Variants in PDCD1LG2 observed in about 807,000 individuals in gnomAD.
The protein encoded by PDCD1LG2 is B7 dendritic cell molecule.
PDCD1LG2 carries 32 observed loss-of-function variants against 28.2 expected under a neutral mutation model. The observed-to-expected ratio is 1.13, with a 90% confidence interval of 0.86 to 1.52. The LOEUF (loss-of-function observed/expected upper bound fraction) is 1.52. PDCD1LG2 is among the 40% of genes most tolerant of loss of function. PDCD1LG2 has a pLI of 0.00. For synonymous variants in PDCD1LG2, 116 were observed against 120.2 expected (o/e 0.97, Z 0.23); for missense variants, 385 against 323.8 (o/e 1.19, Z -1.45).
chr9:5,540,427 G>C (rs1218021899), intron 3 of PDCD1LG2, among the ~76,000 whole-genome samples: 1 of 151,828 alleles, frequency 6.6e-6, no homozygotes, highest in Admixed American at 6.6e-5. Flanking sequence ...AAATACAAAA[G>C]AGAAATGAAA....
At chr9:5,564,256 T>C (rs1255467576) in intron 6 of PDCD1LG2, among the ~76,000 whole-genome samples, 3 of 152,230 alleles carry the variant, frequency 2.0e-5, no homozygotes, top group Non-Finnish European at 4.4e-5. Context: ...CTACCAGTTT[T>C]GGGTTTTTGT....
chr9:5,568,462 G>A (rs1419193550), intron 6 of PDCD1LG2, among the ~76,000 whole-genome samples: 1 of 152,160 alleles, frequency 6.6e-6, no homozygotes, highest in African/African-American at 2.4e-5. Flanking sequence ...ACGATCTGAG[G>A]TGGAACAGGT....
chr9:5,521,688 A>G (rs1281613789), intron 1 of PDCD1LG2, among the ~76,000 whole-genome samples: 1 of 152,112 alleles, frequency 6.6e-6, no homozygotes, highest in Non-Finnish European at 1.5e-5. Context: ...CAAACCCTCC[A>G]CTGCTTTTCA....
At chr9:5,529,389 C>A (rs1487340950) in intron 2 of PDCD1LG2, among the ~76,000 whole-genome samples, 3 of 152,012 alleles carry the variant, frequency 2.0e-5, no homozygotes, top group Non-Finnish European at 4.4e-5. Context: ...TTGTTCCAGC[C>A]CCATTTGTTA....
chr9:5,551,233 A>G (rs1338762338), intron 4 of PDCD1LG2, among the ~76,000 whole-genome samples: 2 of 152,162 alleles, frequency 1.3e-5, no homozygotes, highest in Non-Finnish European at 2.9e-5. Flanking sequence ...CTCTCAGACT[A>G]AAGGACAGTC....
chr9:5,529,313 T>G (rs183367164), intron 2 of PDCD1LG2, among the ~76,000 whole-genome samples: 1 of 152,292 alleles, frequency 6.6e-6, no homozygotes, highest in East Asian at 1.9e-4. Flanking sequence ...TATAATCCAT[T>G]TTAATTTTTA....
intron 1 of PDCD1LG2, among the ~76,000 whole-genome samples, chr9:5,516,943 C>T (rs1820177765): frequency 6.6e-6 from 1 of 152,164 alleles, no homozygotes; most frequent in South Asian, 2.1e-4. Context: ...TACAGGGGTG[C>T]CTGGGAGCAT....
chr9:5,554,310 C>G (rs1816394208), intron 4 of PDCD1LG2, among the ~76,000 whole-genome samples: 1 of 152,216 alleles, frequency 6.6e-6, no homozygotes, highest in Admixed American at 6.5e-5. Context: ...ACTGTGTGGA[C>G]AGCCAGGTCA....
chr9:5,566,653 A>T (rs752417962), intron 6 of PDCD1LG2, among the ~76,000 whole-genome samples: 1 of 152,188 alleles, frequency 6.6e-6, no homozygotes, highest in African/African-American at 2.4e-5. Context: ...ATGAACAAGA[A>T]TAAGCTTTTG....
intron 4 of PDCD1LG2, among the ~76,000 whole-genome samples, chr9:5,557,310 G>T (rs942824188): frequency 6.6e-6 from 1 of 152,138 alleles, no homozygotes; most frequent in Non-Finnish European, 1.5e-5. Flanking sequence ...GTGGTAAAAA[G>T]CACAGAATCT....
chr9:5,557,310 G>C (rs942824188), intron 4 of PDCD1LG2, among the ~76,000 whole-genome samples: 2 of 152,138 alleles, frequency 1.3e-5, no homozygotes, highest in Non-Finnish European at 2.9e-5. Context: ...GTGGTAAAAA[G>C]CACAGAATCT....
Position 5,571,111 on chromosome 9 carries a change from C to A in PDCD1LG2, c.*1152C>A, listed in dbSNP as rs1816760009. 1 of 232,582 alleles carries A rather than the reference C, an allele frequency of 4.3e-6. No individual in the cohort carries two copies. Among genetic ancestry groups the A allele is most frequent in the African/African-American group, 2.2e-5 (1 of 45,314 alleles). The allele number at this position is 232,582 out of a possible 1,614,324, so 14.4% of individuals were successfully genotyped here. ...CTTACATAGGTGGGCCTAAAGCAAG[C>A]TCCTTAACTGAGCAAAATTTGGGGC... On this transcript the variant is annotated 3_prime_UTR_variant, in exon 7 of 7. Coordinates refer to ENST00000397747, the MANE Select transcript of PDCD1LG2 (RefSeq NM_025239.4).
At chr9:5,532,691 A>G (rs1820505512) in intron 2 of PDCD1LG2, among the ~76,000 whole-genome samples, 1 of 152,218 alleles carries the variant, frequency 6.6e-6, no homozygotes, top group East Asian at 1.9e-4. Context: ...AGTTACTTAT[A>G]CTGTGAAATC....
At chr9:5,531,774 T>A (rs1367720371) in intron 2 of PDCD1LG2, among the ~76,000 whole-genome samples, 1 of 152,224 alleles carries the variant, frequency 6.6e-6, no homozygotes, top group Non-Finnish European at 1.5e-5. Flanking sequence ...TTATGCAGAC[T>A]CAGCAACTAA....
At chr9:5,556,143 T>C (rs1301896935) in intron 4 of PDCD1LG2, among the ~76,000 whole-genome samples, 1 of 152,130 alleles carries the variant, frequency 6.6e-6, no homozygotes, top group Non-Finnish European at 1.5e-5. Context: ...ATGTTCAACT[T>C]TGGAGTCTTC....
At chr9:5,518,008 A>C (rs7864394) in intron 1 of PDCD1LG2, among the ~76,000 whole-genome samples, 1 of 152,202 alleles carries the variant, frequency 6.6e-6, no homozygotes, top group Non-Finnish European at 1.5e-5. Flanking sequence ...CACCATGCAA[A>C]AAGTATCCAG....
At position 5,514,772 on chromosome 9, in the gene PDCD1LG2, G is replaced by GAA. The variant is rs60002651; in HGVS notation, c.-15+3990_-15+3991dup. Among the ~76,000 whole-genome samples the GAA allele has an allele frequency of 7.7e-3, 480 of 62,390 alleles. 8 individuals are homozygous for GAA. The highest frequency in any genetic ancestry group is 0.019 in the African/African-American group (359 of 18,694). The allele number at this position is 62,390 out of a possible 152,430, so 40.9% of individuals were successfully genotyped here. A position where few individuals can be genotyped will look rare whatever the true frequency, so the allele number is the denominator to read the frequency against. On this transcript the variant is annotated intron_variant, in intron 1 of 6. Coordinates refer to ENST00000397747, the MANE Select transcript of PDCD1LG2 (RefSeq NM_025239.4). ...CAATGAGTGAGACCTAGTCTCTAAAGAAAAAAAAAAAAAAAAAAAAAAGAC... is the reference window on the plus strand; with the variant it reads ...CAATGAGTGAGACCTAGTCTCTAAAGAAAAAAAAAAAAAAAAAAAAAAAAGAC...
At chr9:5,543,867 A>G (rs1208157369) in intron 3 of PDCD1LG2, among the ~76,000 whole-genome samples, 1 of 15,124 alleles carries the variant, frequency 6.6e-5, no homozygotes, top group Non-Finnish European at 1.2e-4. Flanking sequence ...CTGAATTTCA[A>G]TGGGGTGGGG....
At chr9:5,561,871 A>G (rs1362855475) in intron 5 of PDCD1LG2, among the ~76,000 whole-genome samples, 3 of 152,210 alleles carry the variant, frequency 2.0e-5, no homozygotes, top group Non-Finnish European at 4.4e-5. Flanking sequence ...CCTGTGGCCC[A>G]CAGAGAATGG....
Sources: gnomAD v4.1 joint callset for allele counts (sites outside exome capture counted in the v4.1 genomes callset) on GRCh38, gnomAD v4.1.1 for gene constraint, MANE v1.5 for transcripts, NCBI Gene and HGNC (gene_info 2026-07-23, HGNC 2026-07-21) for gene names.